SPTAN1: variants seen among roughly 807,000 people sequenced by gnomAD.
SPTAN1 encodes the protein spectrin alpha, non-erythrocytic 1, also known as spectrin alpha chain, non-erythrocytic 1.
SPTAN1 carries 61 observed loss-of-function variants against 331.3 expected under a neutral mutation model. That is an observed-to-expected ratio of 0.18 (90% confidence interval 0.15 to 0.23). SPTAN1 has a LOEUF of 0.23. Among genes scored for constraint, SPTAN1 ranks in the 10% least tolerant of loss-of-function variants. SPTAN1 has a pLI of 1.00. For synonymous variants in SPTAN1, 1,153 were observed against 1,173.9 expected (o/e 0.98, Z 0.36); for missense variants, 2,043 against 3,147.9 (o/e 0.65, Z 8.40).
At chr9:128,603,649 C>T in intron 28 of SPTAN1, 59 bp downstream of exon 28, 1 of 1,589,762 alleles carries the variant, frequency 6.3e-7, no homozygotes, top group South Asian at 1.1e-5. Flanking sequence ...ATCTTCCTTC[C>T]CTGTCTACAG....
intron 1 of SPTAN1, among the ~76,000 whole-genome samples, chr9:128,565,529 C>T (rs1039511936): frequency 2.0e-5 from 3 of 152,224 alleles, no homozygotes; most frequent in African/African-American, 7.2e-5. Context: ...TCTGATCAGG[C>T]ACAGACAGTG....
intron 37 of SPTAN1, among the ~76,000 whole-genome samples, chr9:128,609,929 C>T (rs574990297): frequency 4.6e-5 from 7 of 152,288 alleles, no homozygotes; most frequent in African/African-American, 7.2e-5. Flanking sequence ...GTTTGATTTG[C>T]GGGGCAGTAA....
rs762428150 is a variant in SPTAN1, at chr9:128,577,219, T to C, written c.876T>C (p.Ala292=). ...GCCGAGACCTGGCAAGTGTTCAGGC[T>C]CTGCTTCGGAAGCACGAGGGTCTGG... ...DFGRDLASVQ[A]LLRKHEGLER... is the part of the protein sequence containing the mutation. The change falls in exon 7 of 57, where the codon GCT becomes GCC. Residue 292 remains alanine (A), a synonymous_variant. Transcript: ENST00000372739. The surrounding 1 kb of genome is among the most constrained non-coding windows in gnomAD (Gnocchi z 4.2). 1 of 1,614,198 alleles carries C rather than the reference T, an allele frequency of 6.2e-7. No homozygotes were observed.
chr9:128,607,706 G>A lies in SPTAN1; in HGVS notation c.4146+3G>A, dbSNP rs990426186. The A allele has an allele frequency of 5.6e-6, 9 of 1,613,820 alleles. 1 individual carries two copies. In the South Asian group the frequency reaches 8.8e-5, roughly 16 times the overall value. ...AGGCATTGCTGGAGCGACACCAGGTGGGTGGACCTGCCTGCTGAGTAGCAA... is the reference window on the plus strand; with the variant it reads ...AGGCATTGCTGGAGCGACACCAGGTAGGTGGACCTGCCTGCTGAGTAGCAA... On this transcript the variant is annotated splice_donor_region_variant and intron_variant, in intron 32 of 56. Transcript: ENST00000372739.
intron 23 of SPTAN1, chr9:128,593,462 A>G (rs977982544): frequency 5.1e-6 from 1 of 197,168 alleles, no homozygotes; most frequent in Non-Finnish European, 1.1e-5. Flanking sequence ...TGATGATTCT[A>G]GTTTTTTTTA....
chr9:128,602,303 G>C (rs944703245), intron 27 of SPTAN1, among the ~76,000 whole-genome samples: 1 of 148,646 alleles, frequency 6.7e-6, no homozygotes, highest in African/African-American at 2.5e-5. Context: ...TGCAACCTCT[G>C]CCTCCTGGGT....
chr9:128,603,483 T>C, intron 27 of SPTAN1, 60 bp from the exon 28 acceptor site: 1 of 1,593,834 alleles, frequency 6.3e-7, no homozygotes, highest in South Asian at 1.1e-5. Flanking sequence ...CACTTGCAGC[T>C]CAGATCTCTA....
At chr9:128,591,697 T>C in intron 22 of SPTAN1, 72 bp downstream of exon 22, 1 of 1,599,912 alleles carries the variant, frequency 6.3e-7, no homozygotes, top group Non-Finnish European at 8.5e-7. Context: ...GGGCCGAAGC[T>C]TAGGCGTGTC....
chr9:128,570,303 CTT>C (rs1253719513), intron 3 of SPTAN1, among the ~76,000 whole-genome samples: 2 of 122,830 alleles, frequency 1.6e-5, no homozygotes, highest in African/African-American at 6.8e-5. Context: ...GTTTAGACAG[CTT>C]ATATATATAT....
At chr9:128,571,156 G>A (rs188555057) in intron 3 of SPTAN1, among the ~76,000 whole-genome samples, 1 of 152,032 alleles carries the variant, frequency 6.6e-6, no homozygotes, top group Non-Finnish European at 1.5e-5. Flanking sequence ...GGGGCGTGGT[G>A]GTGCACACCT....
At position 128,629,656 on chromosome 9, in the gene SPTAN1, T is replaced by A. The variant is rs1206397407; in HGVS notation, c.6708-665T>A. 2.4e-5 allele frequency: 4 copies of A among 168,006 alleles called. No individual in the cohort carries two copies. Among genetic ancestry groups the A allele is most frequent in the Non-Finnish European group, 5.2e-5 (4 of 77,032 alleles). The allele number at this position is 168,006 out of a possible 1,614,324, so 10.4% of individuals were successfully genotyped here. A position where few individuals can be genotyped will look rare whatever the true frequency, so the allele number is the denominator to read the frequency against. The stretch of plus-strand genomic sequence containing the variant: ...CACTGTGTTCTCTTGGGAAGGAGGC[T>A]CCCCAGAGCCCATCTGCTCTCAGAA... On this transcript the variant is annotated intron_variant, in intron 51 of 56. Transcript: ENST00000372739. The surrounding 1 kb of genome is among the most constrained non-coding windows in gnomAD (Gnocchi z 4.9).
At chr9:128,622,906 C>T (rs983470399) in intron 45 of SPTAN1, among the ~76,000 whole-genome samples, 2 of 151,644 alleles carry the variant, frequency 1.3e-5, no homozygotes, top group South Asian at 2.1e-4. Flanking sequence ...GCGCCTGCCA[C>T]CACGCCCAGC....
Position 128,576,962 on chromosome 9 carries a change from A to G in SPTAN1, c.785+6A>G. 1 of 1,614,120 alleles carries G rather than the reference A, an allele frequency of 6.2e-7. No homozygotes were observed. The highest frequency in any genetic ancestry group is 8.5e-7 in the Non-Finnish European group (1 of 1,180,028). On this transcript the variant is annotated splice_donor_region_variant and intron_variant, in intron 6 of 56. Coordinates refer to ENST00000372739, the MANE Select transcript of SPTAN1 (RefSeq NM_001130438.3). ...GAAGTTCAGCGCTTTAACAGGTGTCAAGCCAGAGTGGGCTTTGGGGAATGG... is the reference window on the plus strand; with the variant it reads ...GAAGTTCAGCGCTTTAACAGGTGTCGAGCCAGAGTGGGCTTTGGGGAATGG...
chr9:128,598,754 A>G lies in SPTAN1; in HGVS notation c.3520-209A>G, dbSNP rs112064644. ...TAAGCTCATTAAATATTTAATGTTT[A>G]TATAGCCATTAACTAATGGTAATTT... On this transcript the variant is annotated intron_variant, in intron 25 of 56. Transcript: ENST00000372739. The G allele has an allele frequency of 7.6e-3, 4,923 of 644,936 alleles. 180 individuals are homozygous for G. The African/African-American group carries it at 0.081, about 11-fold the overall frequency. 40.0% of individuals were successfully genotyped at this position (644,936 alleles called of 1,614,324 possible).
Position 128,632,083 on chromosome 9 carries a change from G to A in SPTAN1, c.6763-44G>A, listed in dbSNP as rs148133620. The A allele has an allele frequency of 5.2e-4, 838 of 1,601,092 alleles. 12 individuals are homozygous for A. In the East Asian group the frequency reaches 0.016, roughly 30 times the overall value. On this transcript the variant is annotated intron_variant, in intron 52 of 56. Coordinates refer to ENST00000372739, the MANE Select transcript of SPTAN1 (RefSeq NM_001130438.3). ...AAGTGGCTCCTGGGCTGGTGACTGA[G>A]CTGAGGGCCCCCGTCTGAGCATCTG...
intron 45 of SPTAN1, 102 bp from the exon 46 acceptor site, chr9:128,624,226 A>C: frequency 7.2e-7 from 1 of 1,388,094 alleles, no homozygotes; most frequent in Non-Finnish European, 1.0e-6. Context: ...CAGGGGAGCA[A>C]GTGGCCCATT....
chr9:128,627,346 CCACAGCAGCG>C lies in SPTAN1; in HGVS notation c.6577-32_6577-23del. The C allele has an allele frequency of 1.3e-6, 2 of 1,528,928 alleles. No homozygotes were observed. Among genetic ancestry groups the C allele is most frequent in the Non-Finnish European group, 1.8e-6 (2 of 1,127,470 alleles). The allele number at this position is 1,528,928 out of a possible 1,614,324, so 94.7% of individuals were successfully genotyped here. A position where few individuals can be genotyped will look rare whatever the true frequency, so the allele number is the denominator to read the frequency against. On this transcript the variant is annotated intron_variant, in intron 49 of 56. Transcript: ENST00000372739. The surrounding 1 kb of genome is among the most constrained non-coding windows in gnomAD (Gnocchi z 4.9). ...TGTGAAGGAGGGGCTGGTGTCACTG[CCACAGCAGCG>C]CACAGCATCTGCCCCCCTTTGGCCC... is the stretch of plus-strand genomic sequence containing the variant.
rs1362381770 is a variant in SPTAN1 at position 128,591,625 on chromosome 9, A to G, written c.3155A>G (p.Gln1052Arg). 4 of 1,613,868 alleles carry G rather than the reference A, an allele frequency of 2.5e-6. No homozygotes were observed. The highest frequency in any genetic ancestry group is 1.3e-5 in the African/African-American group (1 of 74,930). Residue 1052 changes from glutamine to arginine, a missense_variant and splice_region_variant, in exon 22 of 57, where the codon CAG (glutamine) becomes CGG (arginine). By Grantham distance (43) the Gln-to-Arg change is conservative (BLOSUM62 1). This residue lies in a region of SPTAN1 where 1,038 missense variants were observed against 1,531.5 expected (regional missense o/e 0.68). Coordinates refer to ENST00000372739, the MANE Select transcript of SPTAN1 (RefSeq NM_001130438.3). ...IALRQEQIDNQTRITKEAGSV... is the reference protein window; with the variant it reads ...IALRQEQIDNRTRITKEAGSV... ...CTGCGGCAGGAGCAGATTGACAATC[A>G]GTAAGGATGACACTGGGGGCCGCAA...
At chr9:128,565,677 C>T (rs1043510398) in intron 1 of SPTAN1, among the ~76,000 whole-genome samples, 4 of 152,222 alleles carry the variant, frequency 2.6e-5, no homozygotes, top group Admixed American at 1.3e-4. Context: ...TCATTCCTAA[C>T]TCTTAGCCTA....
Sources: allele counts gnomAD v4.1 joint callset (sites outside exome capture counted in the v4.1 genomes callset), GRCh38; gene constraint gnomAD v4.1.1; regional missense constraint gnomAD v4.1.1; non-coding constraint Gnocchi (gnomAD v3.1); transcripts MANE v1.5; gene names NCBI Gene and HGNC (gene_info 2026-07-23, HGNC 2026-07-21).